Variants in ARSB observed in about 807,000 individuals in gnomAD.
The protein encoded by ARSB is N-acetylgalactosamine-4-sulfatase.
Under a neutral mutation model 50.9 loss-of-function variants are expected in ARSB, and 41 were observed. The observed-to-expected ratio is 0.81, with a 90% CI of 0.63 to 1.04. The LOEUF (loss-of-function observed/expected upper bound fraction) is 1.04, where lower values mean the gene tolerates loss of function less well. Among genes scored for constraint, ARSB ranks in the 50% least tolerant of loss-of-function variants. The pLI is 0.00. For missense variants in ARSB, 672 were observed against 693.3 expected, an observed-to-expected ratio of 0.97 and a Z score of 0.35; for synonymous variants, 269 against 284.8, an observed-to-expected ratio of 0.94 and a Z score of 0.56.
At chr5:78,917,202 G>T (rs1335890282) in intron 4 of ARSB, among the ~76,000 whole-genome samples, 1 of 152,170 alleles carries the variant, frequency 6.6e-6, no homozygotes, top group African/African-American at 2.4e-5. Context: ...TACAGTATTA[G>T]GTAGTTGGAT....
At chr5:78,856,709 CTA>C (rs1019209397) in intron 5 of ARSB, among the ~76,000 whole-genome samples, 41 of 152,188 alleles carry the variant, frequency 2.7e-4, no homozygotes, top group African/African-American at 9.2e-4. Flanking sequence ...TCTATCTTCT[CTA>C]TGTCTCTCTC....
chr5:78,895,585 C>T (rs576974103), intron 4 of ARSB, among the ~76,000 whole-genome samples: 3 of 152,236 alleles, frequency 2.0e-5, no homozygotes, highest in Non-Finnish European at 4.4e-5. Flanking sequence ...AAAACTTTCA[C>T]TATCCTGGCA....
intron 6 of ARSB, chr5:78,816,211 A>G (rs1743985221): frequency 6.2e-7 from 1 of 1,607,276 alleles, no homozygotes; most frequent in Non-Finnish European, 8.5e-7. Flanking sequence ...ATTTCTTACA[A>G]TCTCACTAGA....
At position 78,931,075 on chromosome 5, in the gene ARSB, G is replaced by A. The variant is rs1750302132; in HGVS notation, c.898+24220C>T. 1.3e-5 allele frequency among the ~76,000 whole-genome samples: 2 copies of A among 152,228 alleles called. 1 individual carries two copies. The highest frequency in any genetic ancestry group is 4.1e-4 in the South Asian group (2 of 4,828). On this transcript the variant is annotated intron_variant, in intron 4 of 7. Coordinates refer to ENST00000264914, the MANE Select transcript of ARSB (RefSeq NM_000046.5). ...TGGGACAGAATGCCAACAAAGGCTA[G>A]CCCGGGAAATCTCTCTCTCGTTTTC...
chr5:78,853,613 T>C (rs1398582990), intron 5 of ARSB, among the ~76,000 whole-genome samples: 1 of 152,206 alleles, frequency 6.6e-6, no homozygotes, highest in South Asian at 2.1e-4. Flanking sequence ...TATTTAAGTC[T>C]GCAGATGTTA....
intron 2 of ARSB, 64 bp from the exon 3 acceptor site, chr5:78,964,670 C>G: frequency 6.7e-7 from 1 of 1,494,608 alleles, no homozygotes; most frequent in Non-Finnish European, 9.2e-7. Context: ...ACTAATGTTT[C>G]AGCATTTAAT....
chr5:78,985,371 G>T, upstream of ARSB: 1 of 1,013,486 alleles, frequency 9.9e-7, no homozygotes, highest in Non-Finnish European at 1.3e-6. Context: ...CCAGCGGGCC[G>T]TGGGCTTGCG....
At position 78,820,433 on chromosome 5, in the gene ARSB, C is replaced by T. The variant is rs116287942; in HGVS notation, c.1213+18923G>A. Among the ~76,000 whole-genome samples the T allele has an allele frequency of 4.7e-3, 718 of 152,046 alleles. 3 individuals carry two copies. Among genetic ancestry groups the T allele is most frequent in the African/African-American group, 0.017 (687 of 41,486 alleles). ...GAAATTAGCTGGGTGTGGTGGTGGA[C>T]GCCTATAGTCCCACCTACTCGGGAG... On this transcript the variant is annotated intron_variant, in intron 6 of 7. Transcript: ENST00000264914.
intron 5 of ARSB, among the ~76,000 whole-genome samples, chr5:78,877,282 G>T (rs2112178189): frequency 6.6e-6 from 1 of 152,338 alleles, no homozygotes; most frequent in South Asian, 2.1e-4. Context: ...ACTGAGCACT[G>T]CTCTGCAGTT....
At chr5:78,796,336 A>G (rs559712688) in intron 6 of ARSB, among the ~76,000 whole-genome samples, 1 of 152,364 alleles carries the variant, frequency 6.6e-6, no homozygotes, top group Non-Finnish European at 1.5e-5. Flanking sequence ...TAACCACCAT[A>G]AATTCTAAAA....
At position 78,816,084 on chromosome 5, in the gene ARSB, A is replaced by G. The variant is rs573793425; in HGVS notation, c.1213+23272T>C. 1.1e-5 allele frequency: 17 copies of G among 1,614,144 alleles called. No homozygotes were observed. In the East Asian group the frequency reaches 2.9e-4, roughly 28 times the overall value. On this transcript the variant is annotated intron_variant, in intron 6 of 7. Coordinates refer to ENST00000264914, the MANE Select transcript of ARSB (RefSeq NM_000046.5). ...TCATCTTCAGTAGAAAGTTGGTGGT[A>G]GCTACAACAGCAGCGAGCACTCAGG...
intron 1 of ARSB, among the ~76,000 whole-genome samples, chr5:78,980,377 C>T (rs1230785727): frequency 6.6e-6 from 1 of 152,180 alleles, no homozygotes; most frequent in African/African-American, 2.4e-5. Context: ...ATATACGTTC[C>T]AATATGTACA....
At position 78,964,489 on chromosome 5, in the gene ARSB, T is replaced by C. The variant is rs775204710; in HGVS notation, c.617A>G (p.Tyr206Cys). 7 of 1,613,992 alleles carry C rather than the reference T, an allele frequency of 4.3e-6. No individual in the cohort carries two copies. The highest frequency in any genetic ancestry group is 1.3e-5 in the African/African-American group (1 of 74,944). ...TATGTTTGTTGAATACATATTTTTA[T>C]ATCCTGTTGCAACTTCTTCGCCATC... ...FRDGEEVATG[Y>C]KNMYSTNIFT... is the part of the protein sequence containing the mutation. The change falls in exon 3 of 8, where the codon TAT becomes TGT. Residue 206 changes from tyrosine to cysteine, a missense_variant. Tyr to Cys is a radical substitution (Grantham distance 194). Transcript: ENST00000264914.
chr5:78,862,154 T>C (rs992474141), intron 5 of ARSB, among the ~76,000 whole-genome samples: 1 of 152,090 alleles, frequency 6.6e-6, no homozygotes, highest in Non-Finnish European at 1.5e-5. Flanking sequence ...TGCTCATGGA[T>C]AGGAAGAATC....
intron 6 of ARSB, among the ~76,000 whole-genome samples, chr5:78,818,596 CTCTTTTTTTTTT>C (rs1561438649): frequency 9.3e-6 from 1 of 107,060 alleles, no homozygotes; most frequent in African/African-American, 3.5e-5. Flanking sequence ...TAAAATAAAG[CTCTTTTTTTTTT>C]TTTTTTTTTT....
At chr5:78,944,481 A>G (rs1481600230) in intron 4 of ARSB, among the ~76,000 whole-genome samples, 1 of 152,090 alleles carries the variant, frequency 6.6e-6, no homozygotes. Context: ...TCTGTTTGTT[A>G]GTTTTCCTTC....
chr5:78,839,580 C>G (rs146598599), intron 5 of ARSB, among the ~76,000 whole-genome samples, 154 bp from the exon 6 acceptor site: 1 of 152,168 alleles, frequency 6.6e-6, no homozygotes, highest in African/African-American at 2.4e-5. Flanking sequence ...ACGGCTGGTG[C>G]ATCTTCAAGC....
At chr5:78,866,029 A>C (rs1746705167) in intron 5 of ARSB, among the ~76,000 whole-genome samples, 1 of 152,152 alleles carries the variant, frequency 6.6e-6, no homozygotes, top group African/African-American at 2.4e-5. Flanking sequence ...AAACTGTTCC[A>C]ACCTCTGCCT....
chr5:78,953,251 T>C (rs1026829483), intron 4 of ARSB, among the ~76,000 whole-genome samples: 2 of 152,240 alleles, frequency 1.3e-5, no homozygotes, highest in Non-Finnish European at 2.9e-5. Context: ...CAGCACACCA[T>C]ATGGAAAGCT....
Sources: allele counts gnomAD v4.1 joint callset (sites outside exome capture counted in the v4.1 genomes callset), GRCh38; gene constraint gnomAD v4.1.1; transcripts MANE v1.5; gene names NCBI Gene and HGNC (gene_info 2026-07-23, HGNC 2026-07-21).